MAPRE1: variants seen among roughly 807,000 people sequenced by gnomAD.
The protein encoded by MAPRE1 is microtubule associated protein RP/EB family member 1.
In MAPRE1, 5 loss-of-function variants were observed where a neutral mutation model predicts 32.1. The observed-to-expected ratio is 0.16, with a 90% confidence interval of 0.08 to 0.33. MAPRE1 has a LOEUF of 0.33. MAPRE1 is among the 10% of genes least tolerant of loss of function. The probability of loss-of-function intolerance (pLI) is 1.00; values close to 1 mark genes in which losing one functional copy is unlikely to be tolerated. For synonymous variants in MAPRE1, 122 were observed against 118.9 expected, an observed-to-expected ratio of 1.03 and a Z score of -0.17; for missense variants, 209 against 327.2, an observed-to-expected ratio of 0.64 and a Z score of 2.79.
intron 2 of MAPRE1, among the ~76,000 whole-genome samples, chr20:32,826,649 C>T (rs1036457022): frequency 1.3e-4 from 20 of 150,084 alleles, no homozygotes; most frequent in African/African-American, 4.2e-4. Flanking sequence ...ACTTTAGCCT[C>T]CAAAGTACCT....
chr20:32,835,729 C>T (rs1284310443), intron 3 of MAPRE1, among the ~76,000 whole-genome samples: 2 of 151,564 alleles, frequency 1.3e-5, no homozygotes, highest in Non-Finnish European at 2.9e-5. Context: ...CCTCAGCCTC[C>T]TGAGTAGCTG....
rs950276001 is a variant in MAPRE1, at chr20:32,848,607, G to A, written c.751-65G>A. 1.0e-5 allele frequency: 13 copies of A among 1,268,920 alleles called. No homozygotes were observed. In the East Asian group the frequency reaches 3.0e-4, roughly 30 times the overall value. The allele number at this position is 1,268,920 out of a possible 1,614,324, so 78.6% of individuals were successfully genotyped here. On this transcript the variant is annotated intron_variant, in intron 6 of 6. Coordinates refer to ENST00000375571, the MANE Select transcript of MAPRE1 (RefSeq NM_012325.3). ...TGTTTTTAAGAGGCTGTAAGTATGA[G>A]GAAAGTGAACTCACAGTAGAAATGG...
Position 32,846,773 on chromosome 20 carries a change from A to G in MAPRE1, c.750+3A>G. The G allele has an allele frequency of 6.2e-7, 1 of 1,614,022 alleles. No homozygotes were observed. Among genetic ancestry groups the G allele is most frequent in the East Asian group, 2.2e-5 (1 of 44,886 alleles). ...TAGACATTCTGTATGCCACAGATGT[A>G]TGTGTTTGACATGAGGATATTTTCT... On this transcript the variant is annotated splice_donor_region_variant and intron_variant, in intron 6 of 6. Coordinates refer to ENST00000375571, the MANE Select transcript of MAPRE1 (RefSeq NM_012325.3).
Position 32,849,520 on chromosome 20 carries a change from G to A in MAPRE1, c.*792G>A, listed in dbSNP as rs1600338301. 6.6e-6 allele frequency: 1 copy of A among 152,520 alleles called. No individual in the cohort carries two copies. Among genetic ancestry groups the A allele is most frequent in the East Asian group, 1.9e-4 (1 of 5,186 alleles). 9.4% of individuals were successfully genotyped at this position (152,520 alleles called of 1,614,324 possible). A position where few individuals can be genotyped will look rare whatever the true frequency, so the allele number is the denominator to read the frequency against. ...ATTATATTTTTTGGGGAAGTGAGGT[G>A]TGCCCAGTTTTTTAATCTAACAACT... On this transcript the variant is annotated 3_prime_UTR_variant, in exon 7 of 7. Coordinates refer to ENST00000375571, the MANE Select transcript of MAPRE1 (RefSeq NM_012325.3).
intron 4 of MAPRE1, 67 bp downstream of exon 4, chr20:32,836,908 G>T: frequency 7.0e-7 from 1 of 1,426,626 alleles, no homozygotes; most frequent in Non-Finnish European, 9.5e-7. Flanking sequence ...CGTTCAACTA[G>T]AATTTTTTTC....
chr20:32,825,149 C>CAAAAAAA (rs542454683), intron 1 of MAPRE1, among the ~76,000 whole-genome samples: 1 of 81,384 alleles, frequency 1.2e-5, no homozygotes, highest in African/African-American at 4.7e-5. Context: ...AAGACTGTCT[C>CAAAAAAA]AAAAAAAAAA....
chr20:32,846,440 T>C (rs1189734832), intron 5 of MAPRE1, among the ~76,000 whole-genome samples, 178 bp from the exon 6 acceptor site: 1 of 152,246 alleles, frequency 6.6e-6, no homozygotes. Context: ...TCAAGGTTGC[T>C]ATAAACAAAT....
At chr20:32,822,243 A>G (rs1397153450) in intron 1 of MAPRE1, among the ~76,000 whole-genome samples, 1 of 152,206 alleles carries the variant, frequency 6.6e-6, no homozygotes, top group Admixed American at 6.5e-5. Context: ...ACGATACAGT[A>G]TATATAGGAA....
intron 2 of MAPRE1, among the ~76,000 whole-genome samples, chr20:32,826,552 G>A (rs113438505): frequency 0.031 from 3,015 of 98,622 alleles, 155 homozygotes; most frequent in African/African-American, 0.11. Context: ...TTTGAGATGG[G>A]GTCTGGCGCT....
Position 32,849,033 on chromosome 20 carries a change from T to TA in MAPRE1, c.*306dup. On this transcript the variant is annotated 3_prime_UTR_variant, in exon 7 of 7. Transcript: ENST00000375571. ...TGAATGCTGGAGAGATGTTATGTAA[T>TA]ATGCTGAGGTGGCGACCTCAGTGGA... The TA allele has an allele frequency of 4.3e-6, 1 of 232,316 alleles. No homozygotes were observed. The highest frequency in any genetic ancestry group is 8.3e-6 in the Non-Finnish European group (1 of 120,192). The allele number at this position is 232,316 out of a possible 1,614,324, so 14.4% of individuals were successfully genotyped here.
At chr20:32,842,133 T>G (rs1305190038) in intron 5 of MAPRE1, among the ~76,000 whole-genome samples, 1 of 152,126 alleles carries the variant, frequency 6.6e-6, no homozygotes, top group Non-Finnish European at 1.5e-5. Flanking sequence ...TCGCCCAGGC[T>G]GGAGTGCAGT....
At chr20:32,845,344 C>T (rs1361945267) in intron 5 of MAPRE1, among the ~76,000 whole-genome samples, 3 of 152,170 alleles carry the variant, frequency 2.0e-5, no homozygotes, top group East Asian at 1.9e-4. Context: ...GCTGGCCCCT[C>T]TAGTACTTTA....
chr20:32,832,838 G>A (rs536500660), intron 2 of MAPRE1, among the ~76,000 whole-genome samples: 1 of 107,590 alleles, frequency 9.3e-6, no homozygotes, highest in South Asian at 3.4e-4. Context: ...TTTTGAGACA[G>A]TGCAGTGGCC....
chr20:32,848,649 C>T (rs752020390), intron 6 of MAPRE1, 23 bp from the exon 7 acceptor site: 25 of 1,600,250 alleles, frequency 1.6e-5, no homozygotes, highest in Non-Finnish European at 2.0e-5. Context: ...CAGTGGCTTT[C>T]CCCTCTCATT....
rs1231715032 is a variant in MAPRE1, at chr20:32,850,197, C to G, written c.*1469C>G. Reference sequence around the variant, plus strand: ...GCTCTGTGTGGAATTCAGAGGAAAACCCAGATTCAGTGATTAACAATGCCA... The same window carrying G: ...GCTCTGTGTGGAATTCAGAGGAAAAGCCAGATTCAGTGATTAACAATGCCA... On this transcript the variant is annotated 3_prime_UTR_variant, in exon 7 of 7. Transcript: ENST00000375571. 2 of 152,580 alleles carry G rather than the reference C, an allele frequency of 1.3e-5. No individual in the cohort carries two copies. Among genetic ancestry groups the G allele is most frequent in the Non-Finnish European group, 2.9e-5 (2 of 68,034 alleles). The allele number at this position is 152,580 out of a possible 1,614,324, so 9.5% of individuals were successfully genotyped here.
At chr20:32,824,495 A>G (rs1370000802) in intron 1 of MAPRE1, among the ~76,000 whole-genome samples, 1 of 152,204 alleles carries the variant, frequency 6.6e-6, no homozygotes, top group African/African-American at 2.4e-5. Flanking sequence ...GAGGGCTGTC[A>G]GGGTTAAACA....
At chr20:32,826,236 T>TTTTTGA (rs1491215602) in intron 2 of MAPRE1, among the ~76,000 whole-genome samples, 188 bp downstream of exon 2, 2 of 104,934 alleles carry the variant, frequency 1.9e-5, no homozygotes, top group African/African-American at 8.0e-5. Context: ...TTTTTTTTTT[T>TTTTTGA]GACAGAGTCT....
intron 2 of MAPRE1, among the ~76,000 whole-genome samples, chr20:32,827,264 C>T (rs1176152799): frequency 2.6e-5 from 4 of 151,602 alleles, no homozygotes; most frequent in Admixed American, 1.3e-4. Context: ...AAAAATTAGC[C>T]GGGGGTGGTG....
intron 2 of MAPRE1, among the ~76,000 whole-genome samples, chr20:32,831,059 C>G (rs994236934): frequency 5.3e-5 from 8 of 151,986 alleles, no homozygotes; most frequent in Non-Finnish European, 1.2e-4. Context: ...TCAAGCACCT[C>G]CTTGATTTTT....
Sources: allele counts gnomAD v4.1 joint callset (sites outside exome capture counted in the v4.1 genomes callset), GRCh38; gene constraint gnomAD v4.1.1; transcripts MANE v1.5; gene names NCBI Gene and HGNC (gene_info 2026-07-23, HGNC 2026-07-21).